Variants in MVB12B observed in about 807,000 individuals in gnomAD.
The protein encoded by MVB12B is multivesicular body subunit 12B, also known as ESCRT-I complex subunit MVB12B.
Under a neutral mutation model 41.6 loss-of-function variants are expected in MVB12B, and 16 were observed. The observed-to-expected ratio is 0.38, with a 90% CI of 0.26 to 0.58. The LOEUF (loss-of-function observed/expected upper bound fraction) is 0.58, where lower values mean the gene tolerates loss of function less well. MVB12B is among the 20% of genes least tolerant of loss of function. The pLI is 0.62. For synonymous variants in MVB12B, 133 were observed against 139.7 expected (o/e 0.95, Z 0.34); for missense variants, 274 against 380.2 (o/e 0.72, Z 2.32).
chr9:126,333,187 A>C lies in MVB12B; in HGVS notation c.81+6177A>C, dbSNP rs576872784. ...CTGCAACCTCCGCCACCCAGGTTCAAGTGATTCTTCTGCCTCAGCCTCCCG... is the reference window on the plus strand; with the variant it reads ...CTGCAACCTCCGCCACCCAGGTTCACGTGATTCTTCTGCCTCAGCCTCCCG... On this transcript the variant is annotated intron_variant, in intron 1 of 9. Coordinates refer to ENST00000361171, the MANE Select transcript of MVB12B (RefSeq NM_033446.3). The surrounding 1 kb of genome is among the most constrained non-coding windows in gnomAD (Gnocchi z 4.7). Among the ~76,000 whole-genome samples, 1 of 152,238 alleles carries C rather than the reference A, an allele frequency of 6.6e-6. No individual in the cohort carries two copies. The highest frequency in any genetic ancestry group is 1.9e-4 in the East Asian group (1 of 5,182).
At chr9:126,336,822 A>G (rs896824976) in intron 1 of MVB12B, among the ~76,000 whole-genome samples, 2 of 152,054 alleles carry the variant, frequency 1.3e-5, no homozygotes, top group African/African-American at 4.8e-5. Flanking sequence ...GGGGCAGACA[A>G]CACTGCCTGA....
At chr9:126,446,035 T>A (rs1487311894) in intron 7 of MVB12B, among the ~76,000 whole-genome samples, 1 of 152,238 alleles carries the variant, frequency 6.6e-6, no homozygotes, top group Non-Finnish European at 1.5e-5. Context: ...CTGACTTTAA[T>A]GGGAATGCTT....
intron 6 of MVB12B, among the ~76,000 whole-genome samples, chr9:126,421,389 T>C (rs1322298904): frequency 1.3e-5 from 2 of 152,220 alleles, no homozygotes; most frequent in Non-Finnish European, 1.5e-5. Context: ...TCCCAACACC[T>C]TTGTTTACAG....
intron 7 of MVB12B, among the ~76,000 whole-genome samples, chr9:126,458,817 A>T (rs1833036133): frequency 6.6e-6 from 1 of 152,250 alleles, no homozygotes; most frequent in Non-Finnish European, 1.5e-5. Context: ...AAGGAAATCA[A>T]GAATCCAGCA....
At position 126,340,722 on chromosome 9, in the gene MVB12B, A is replaced by G; in HGVS notation, c.204+92A>G. 2 of 1,444,158 alleles carry G rather than the reference A, an allele frequency of 1.4e-6. No individual in the cohort carries two copies. Among genetic ancestry groups the G allele is most frequent in the South Asian group, 1.2e-5 (1 of 80,342 alleles). 89.5% of individuals were successfully genotyped at this position (1,444,158 alleles called of 1,614,324 possible). A position where few individuals can be genotyped will look rare whatever the true frequency, so the allele number is the denominator to read the frequency against. ...AGACCTTCTGGCCCTTGCGTGTAAG[A>G]TGTGCTTCTTCCCTCTAGGAACTTA... On this transcript the variant is annotated intron_variant, in intron 2 of 9. Transcript: ENST00000361171. This position sits in a 1 kb window ranked among gnomAD's most constrained non-coding sequence, Gnocchi z 4.0.
intron 2 of MVB12B, among the ~76,000 whole-genome samples, chr9:126,368,999 G>C (rs1830261777): frequency 6.6e-6 from 1 of 152,162 alleles, no homozygotes; most frequent in African/African-American, 2.4e-5. Context: ...CCACACTCTT[G>C]TTAACGGGTG....
At chr9:126,500,044 G>A (rs2119240006) in intron 9 of MVB12B, among the ~76,000 whole-genome samples, 1 of 152,226 alleles carries the variant, frequency 6.6e-6, no homozygotes, top group African/African-American at 2.4e-5. Context: ...CTGCTCCCCC[G>A]CTCACCATCC....
At chr9:126,347,712 A>T (rs1829637400) in intron 2 of MVB12B, among the ~76,000 whole-genome samples, 1 of 152,256 alleles carries the variant, frequency 6.6e-6, no homozygotes, top group African/African-American at 2.4e-5. Flanking sequence ...GCATTTTTAT[A>T]TAGTGCTCAA....
chr9:126,364,652 C>T (rs1588109149), intron 2 of MVB12B, among the ~76,000 whole-genome samples: 1 of 152,230 alleles, frequency 6.6e-6, no homozygotes, highest in Admixed American at 6.5e-5. Flanking sequence ...TCATAGCCTT[C>T]TCGAATTGCA....
intron 2 of MVB12B, among the ~76,000 whole-genome samples, chr9:126,366,144 AC>A (rs1203127762): frequency 2.0e-5 from 3 of 150,590 alleles, no homozygotes; most frequent in African/African-American, 7.3e-5. Context: ...GGCCTCCGCC[AC>A]CCTCCCTTCA....
intron 7 of MVB12B, among the ~76,000 whole-genome samples, chr9:126,425,528 A>G (rs1219997705): frequency 6.6e-6 from 1 of 152,228 alleles, no homozygotes; most frequent in Non-Finnish European, 1.5e-5. Flanking sequence ...CTGAGCACTC[A>G]TGAGTCTATG....
intron 6 of MVB12B, among the ~76,000 whole-genome samples, chr9:126,414,971 C>T (rs1358182054): frequency 2.0e-5 from 3 of 152,014 alleles, no homozygotes; most frequent in South Asian, 2.1e-4. Flanking sequence ...TTCAAGTGAC[C>T]CACTCGCCTC....
intron 7 of MVB12B, among the ~76,000 whole-genome samples, chr9:126,479,686 T>A (rs1232554223): frequency 6.6e-6 from 1 of 152,158 alleles, no homozygotes. Context: ...ACCAGGAGTC[T>A]CTGTCTAAGT....
At chr9:126,398,063 C>T (rs1433471222) in intron 6 of MVB12B, among the ~76,000 whole-genome samples, 1 of 152,134 alleles carries the variant, frequency 6.6e-6, no homozygotes. Flanking sequence ...TGGCAGCCTC[C>T]TCCTCCCCTG....
chr9:126,371,619 T>C (rs1476606949), intron 2 of MVB12B, among the ~76,000 whole-genome samples: 1 of 152,258 alleles, frequency 6.6e-6, no homozygotes, highest in African/African-American at 2.4e-5. Context: ...TAGTCCTAGA[T>C]GCACCAGGCT....
chr9:126,435,500 C>T (rs1408308313), intron 7 of MVB12B, among the ~76,000 whole-genome samples: 1 of 152,148 alleles, frequency 6.6e-6, no homozygotes, highest in African/African-American at 2.4e-5. Flanking sequence ...CCTCAATTTT[C>T]CATGTTCCTT....
chr9:126,434,545 G>T (rs1422459324), intron 7 of MVB12B, among the ~76,000 whole-genome samples: 1 of 152,186 alleles, frequency 6.6e-6, no homozygotes, highest in East Asian at 1.9e-4. Context: ...GACACACTTA[G>T]AAGTCCTTAA....
At position 126,473,743 on chromosome 9, in the gene MVB12B, C is replaced by T. The variant is rs576747716; in HGVS notation, c.758-7626C>T. 8.5e-5 allele frequency among the ~76,000 whole-genome samples: 13 copies of T among 152,370 alleles called. No homozygotes were observed. The East Asian group carries it at 2.3e-3, about 27-fold the overall frequency. On this transcript the variant is annotated intron_variant, in intron 7 of 9. Transcript: ENST00000361171. This position sits in a 1 kb window ranked among gnomAD's most constrained non-coding sequence, Gnocchi z 4.0. ...AAATCCTCTCCCCACATAGCTCAGTCATCTCCCGCCGGGCCCCCTCCAATA... is the reference window on the plus strand; with the variant it reads ...AAATCCTCTCCCCACATAGCTCAGTTATCTCCCGCCGGGCCCCCTCCAATA...
chr9:126,481,170 C>T, intron 7 of MVB12B, 199 bp from the exon 8 acceptor site: 2 of 606,416 alleles, frequency 3.3e-6, no homozygotes, highest in South Asian at 2.0e-5. Context: ...GAGGCGCCTG[C>T]CTCTCTCAGT....
Sources: gnomAD v4.1 joint callset for allele counts (sites outside exome capture counted in the v4.1 genomes callset) on GRCh38, gnomAD v4.1.1 for gene constraint, Gnocchi (gnomAD v3.1) non-coding constraint, MANE v1.5 for transcripts, NCBI Gene and HGNC (gene_info 2026-07-23, HGNC 2026-07-21) for gene names.